Variants in WDR59 observed in about 807,000 individuals in gnomAD.
The protein encoded by WDR59 is GATOR2 complex protein WDR59.
In WDR59, 100 loss-of-function variants were observed where a neutral mutation model predicts 131.2. That is an observed-to-expected ratio of 0.76 (90% CI 0.65 to 0.90). WDR59 has a LOEUF of 0.90. WDR59 is among the 40% of genes least tolerant of loss of function. The probability of loss-of-function intolerance (pLI) is 0.00; values close to 1 mark genes in which losing one functional copy is unlikely to be tolerated. For synonymous variants in WDR59, 601 were observed against 466.2 expected (o/e 1.29, Z -3.72); for missense variants, 1,203 against 1,262.2 (o/e 0.95, Z 0.71).
chr16:74,910,751 T>G (rs1377863023), intron 14 of WDR59, among the ~76,000 whole-genome samples: 1 of 152,250 alleles, frequency 6.6e-6, no homozygotes, highest in Non-Finnish European at 1.5e-5. Flanking sequence ...TATATCCTAC[T>G]GCTGAGTCAT....
chr16:74,930,352 A>T (rs924675889), intron 8 of WDR59, among the ~76,000 whole-genome samples: 12 of 152,146 alleles, frequency 7.9e-5, no homozygotes, highest in African/African-American at 2.9e-4. Flanking sequence ...ATTTCTCTTT[A>T]AAAAATGGAA....
intron 2 of WDR59, among the ~76,000 whole-genome samples, chr16:74,958,677 TC>T (rs1417969664): frequency 1.4e-5 from 2 of 146,680 alleles, no homozygotes; most frequent in South Asian, 2.2e-4. Flanking sequence ...GCAAGTTGCT[TC>T]CCCCCAACTG....
chr16:74,911,661 A>AAC (rs1811784016), intron 14 of WDR59, among the ~76,000 whole-genome samples: 1 of 152,228 alleles, frequency 6.6e-6, no homozygotes, highest in South Asian at 2.1e-4. Context: ...TCTCTAGGAT[A>AAC]ACACCAGCTC....
intron 4 of WDR59, 128 bp downstream of exon 4, chr16:74,951,330 C>T (rs1482530417): frequency 1.6e-5 from 14 of 894,922 alleles, no homozygotes; most frequent in Admixed American, 8.4e-5. Flanking sequence ...GCTAATAACC[C>T]GCTGACCACC....
intron 6 of WDR59, among the ~76,000 whole-genome samples, chr16:74,945,532 T>C (rs932914334): frequency 2.0e-5 from 3 of 151,776 alleles, no homozygotes; most frequent in Non-Finnish European, 4.4e-5. Context: ...CAGGAGAATG[T>C]GATTGAGGCA....
In WDR59 at chr16:74,938,140, T is replaced by C; in HGVS notation, c.651+10A>G. The C allele has an allele frequency of 6.6e-7, 1 of 1,503,808 alleles. No homozygotes were observed. The highest frequency in any genetic ancestry group is 1.3e-5 in the South Asian group (1 of 74,522). 93.2% of individuals were successfully genotyped at this position (1,503,808 alleles called of 1,614,324 possible). ...ACTGCTCCTCCAACTTCCCCATGGG[T>C]GCCACTGACCTTCACAGAATTGTCT... On this transcript the variant is annotated intron_variant, in intron 8 of 25. Coordinates refer to ENST00000262144, the MANE Select transcript of WDR59 (RefSeq NM_030581.4).
At chr16:74,880,831 G>A (rs72796692) in intron 25 of WDR59, among the ~76,000 whole-genome samples, 5 of 152,168 alleles carry the variant, frequency 3.3e-5, no homozygotes, top group Non-Finnish European at 7.4e-5. Context: ...AACTCCAAAG[G>A]TGCAGGGTCA....
At chr16:74,945,405 A>C (rs1383633308) in intron 6 of WDR59, among the ~76,000 whole-genome samples, 5 of 151,930 alleles carry the variant, frequency 3.3e-5, no homozygotes. Flanking sequence ...AGAACCTGGG[A>C]GGCAGAGCTT....
Position 74,873,885 on chromosome 16 carries a change from G to C in WDR59, c.*324C>G. 3.1e-6 allele frequency: 1 copy of C among 327,300 alleles called. No homozygotes were observed. The highest frequency in any genetic ancestry group is 5.8e-6 in the Non-Finnish European group (1 of 172,636). The allele number at this position is 327,300 out of a possible 1,614,324, so 20.3% of individuals were successfully genotyped here. On this transcript the variant is annotated 3_prime_UTR_variant, in exon 26 of 26. Coordinates refer to ENST00000262144, the MANE Select transcript of WDR59 (RefSeq NM_030581.4). ...GTGGTTTAAGGCTAACACCTTACAG[G>C]GTAACACTGTAACACTGGCCCTGGA... is the stretch of plus-strand genomic sequence containing the variant.
chr16:74,878,035 A>C (rs963409253), intron 25 of WDR59, among the ~76,000 whole-genome samples: 1 of 152,200 alleles, frequency 6.6e-6, no homozygotes. Flanking sequence ...TAACTCCCCA[A>C]ATGACAAGTG....
chr16:74,951,735 T>G (rs567188641), intron 3 of WDR59, among the ~76,000 whole-genome samples, 192 bp from the exon 4 acceptor site: 1 of 152,322 alleles, frequency 6.6e-6, no homozygotes, highest in Non-Finnish European at 1.5e-5. Flanking sequence ...CAGCTCAGTA[T>G]GTAGGTCTGT....
intron 7 of WDR59, among the ~76,000 whole-genome samples, chr16:74,941,446 C>G (rs2032216602): frequency 6.6e-6 from 1 of 151,938 alleles, no homozygotes; most frequent in African/African-American, 2.4e-5. Context: ...ATAATCCCAG[C>G]ACTTTGGGAG....
Position 74,922,171 on chromosome 16 carries a change from C to G in WDR59, c.730-68G>C, listed in dbSNP as rs2030306650. The G allele has an allele frequency of 1.9e-6, 3 of 1,573,578 alleles. No homozygotes were observed. In the South Asian group the frequency reaches 3.5e-5, roughly 18 times the overall value. On this transcript the variant is annotated intron_variant, in intron 9 of 25. Coordinates refer to ENST00000262144, the MANE Select transcript of WDR59 (RefSeq NM_030581.4). ...GGAGAATCAGCTGAGTCTTGAGTTT[C>G]CAAACCTGGAATTCTTCCTAAGTAA...
intron 23 of WDR59, among the ~76,000 whole-genome samples, chr16:74,886,937 AT>A (rs1183344216): frequency 1.3e-5 from 2 of 152,170 alleles, no homozygotes; most frequent in African/African-American, 2.4e-5. Flanking sequence ...ACTAAAAAAA[AT>A]AAATAAATAA....
chr16:74,899,754 T>G, intron 18 of WDR59: 1 of 1,288,988 alleles, frequency 7.8e-7, no homozygotes, highest in Non-Finnish European at 1.0e-6. Flanking sequence ...CGAGGAGACA[T>G]CTGTGCATGA....
intron 25 of WDR59, among the ~76,000 whole-genome samples, chr16:74,878,355 A>G (rs528234099): frequency 6.6e-6 from 1 of 152,348 alleles, no homozygotes; most frequent in East Asian, 1.9e-4. Context: ...TATGTTTAAA[A>G]TAAAAATACA....
intron 1 of WDR59, 191 bp downstream of exon 1, chr16:74,984,773 C>G (rs1263770473): frequency 1.1e-5 from 8 of 729,220 alleles, no homozygotes; most frequent in Non-Finnish European, 1.8e-5. Flanking sequence ...TCCGTCCATG[C>G]TCGCCCCGAT....
Position 74,909,903 on chromosome 16 carries a change from T to C in WDR59, c.1404A>G (p.Thr468=). The C allele has an allele frequency of 1.2e-6, 2 of 1,611,938 alleles. No homozygotes were observed. The highest frequency in any genetic ancestry group is 1.7e-6 in the Non-Finnish European group (2 of 1,179,720). Residue 468 remains threonine (T), a synonymous_variant, in exon 15 of 26, where the codon ACA becomes ACG. Coordinates refer to ENST00000262144, the MANE Select transcript of WDR59 (RefSeq NM_030581.4). Reference sequence around the variant, plus strand: ...GGCCACGCTTCACTTTCTGCAGGGCTGTGTCCTTCAGGATCTAGAAAAGGC... The same window carrying C: ...GGCCACGCTTCACTTTCTGCAGGGCCGTGTCCTTCAGGATCTAGAAAAGGC... ...KAKLLKILKD[T]ALQKVKRGQS... is the part of the protein sequence containing the mutation.
At chr16:74,885,380 C>CAG (rs1458348577) in intron 25 of WDR59, among the ~76,000 whole-genome samples, 3 of 125,598 alleles carry the variant, frequency 2.4e-5, no homozygotes, top group African/African-American at 9.0e-5. Flanking sequence ...ACCCAGAAGG[C>CAG]AGAGGTTCAG....
Sources: allele counts gnomAD v4.1 joint callset (sites outside exome capture counted in the v4.1 genomes callset), GRCh38; gene constraint gnomAD v4.1.1; transcripts MANE v1.5; gene names NCBI Gene and HGNC (gene_info 2026-07-23, HGNC 2026-07-21).